The following SGCD variants were observed in gnomAD, a reference collection of about 807,000 sequenced individuals.
SGCD encodes the protein sarcoglycan delta, also known as delta-sarcoglycan.
SGCD carries 18 observed loss-of-function variants against 36.6 expected under a neutral mutation model. The ratio of observed to expected loss-of-function variants is 0.49; its 90% CI spans 0.34 to 0.73. SGCD has a LOEUF of 0.73. Among genes scored for constraint, SGCD ranks in the 30% least tolerant of loss-of-function variants. The pLI, the probability that SGCD is intolerant of heterozygous loss-of-function variation, is 0.01. For synonymous variants in SGCD, 133 were observed against 130.6 expected, an observed-to-expected ratio of 1.02 and a Z score of -0.12; for missense variants, 387 against 346.7, an observed-to-expected ratio of 1.12 and a Z score of -0.92.
chr5:156,297,914 C>T (rs1766942087), intron 3 of SGCD, among the ~76,000 whole-genome samples: 1 of 151,448 alleles, frequency 6.6e-6, no homozygotes, highest in African/African-American at 2.4e-5. Flanking sequence ...GTAGCTATCC[C>T]CCGCCCACCC....
chr5:156,080,411 C>T (rs1290787050), intron 1 of SGCD, among the ~76,000 whole-genome samples: 1 of 152,214 alleles, frequency 6.6e-6, no homozygotes, highest in Admixed American at 6.5e-5. Context: ...AGTCACCCTG[C>T]TTTAATTTAT....
intron 3 of SGCD, among the ~76,000 whole-genome samples, chr5:156,381,144 C>G (rs1770952813): frequency 6.6e-6 from 1 of 152,188 alleles, no homozygotes; most frequent in South Asian, 2.1e-4. Flanking sequence ...CCAAGGTAAT[C>G]AGGCTTGTGA....
intron 1 of SGCD, among the ~76,000 whole-genome samples, chr5:155,925,191 A>G (rs1756972846): frequency 6.6e-6 from 1 of 152,238 alleles, no homozygotes; most frequent in African/African-American, 2.4e-5. Context: ...AAAGTAAAGT[A>G]CAAACTACTT....
chr5:156,171,342 G>T (rs1763342869), intron 3 of SGCD, among the ~76,000 whole-genome samples: 1 of 152,108 alleles, frequency 6.6e-6, no homozygotes, highest in Non-Finnish European at 1.5e-5. Flanking sequence ...GTCCTACTTG[G>T]ATATAAATTT....
intron 6 of SGCD, among the ~76,000 whole-genome samples, chr5:156,595,325 C>T (rs1029296234): frequency 2.0e-5 from 3 of 152,230 alleles, no homozygotes; most frequent in South Asian, 2.1e-4. Context: ...CAGTCTGCAA[C>T]CTGGAATAGG....
chr5:156,614,156 G>A (rs1455936373), intron 6 of SGCD, among the ~76,000 whole-genome samples: 1 of 152,096 alleles, frequency 6.6e-6, no homozygotes, highest in Non-Finnish European at 1.5e-5. Flanking sequence ...CGTTGGCTAG[G>A]CTGGTCTGGA....
intron 1 of SGCD, among the ~76,000 whole-genome samples, chr5:155,879,463 TTG>T (rs1363265107): frequency 6.6e-6 from 1 of 152,092 alleles, no homozygotes; most frequent in African/African-American, 2.4e-5. Flanking sequence ...CTGGATAGCG[TTG>T]TCTCCTCCAA....
intron 1 of SGCD, among the ~76,000 whole-genome samples, chr5:156,113,578 A>G (rs544826222): frequency 6.6e-6 from 1 of 152,314 alleles, no homozygotes; most frequent in Admixed American, 6.5e-5. Context: ...CCCTCTTTAC[A>G]GCTGCTGTAG....
intron 2 of SGCD, among the ~76,000 whole-genome samples, chr5:156,121,513 T>A (rs894696891): frequency 5.3e-5 from 8 of 152,216 alleles, no homozygotes; most frequent in African/African-American, 1.4e-4. Context: ...ACTTTTAGAC[T>A]ACTGAGGATA....
intron 1 of SGCD, among the ~76,000 whole-genome samples, chr5:155,889,457 G>C (rs1365338988): frequency 6.6e-6 from 1 of 152,038 alleles, no homozygotes; most frequent in Middle Eastern, 3.2e-3. Flanking sequence ...TTTGAGTTTT[G>C]CTGCATAGAA....
chr5:156,395,826 G>C (rs191113589), intron 3 of SGCD, among the ~76,000 whole-genome samples: 1 of 152,094 alleles, frequency 6.6e-6, no homozygotes. Context: ...AGCTTCCTTC[G>C]TTGCAAAATG....
intron 4 of SGCD, among the ~76,000 whole-genome samples, chr5:156,565,791 G>T (rs1415755545): frequency 6.6e-6 from 1 of 151,914 alleles, no homozygotes; most frequent in Non-Finnish European, 1.5e-5. Context: ...GTGAGAACAT[G>T]CAGTGTTTGG....
At chr5:156,610,216 G>T (rs1202559954) in intron 6 of SGCD, among the ~76,000 whole-genome samples, 1 of 152,024 alleles carries the variant, frequency 6.6e-6, no homozygotes, top group African/African-American at 2.4e-5. Flanking sequence ...TACAGATGGG[G>T]TTTTGGTGTG....
chr5:156,088,693 T>G (rs1761163661), intron 1 of SGCD, among the ~76,000 whole-genome samples: 1 of 152,100 alleles, frequency 6.6e-6, no homozygotes, highest in African/African-American at 2.4e-5. Flanking sequence ...TTATTATCAT[T>G]ATTATTTATA....
intron 3 of SGCD, among the ~76,000 whole-genome samples, chr5:156,233,717 CG>C (rs1207103187): frequency 1.3e-5 from 2 of 152,152 alleles, no homozygotes; most frequent in East Asian, 3.9e-4. Flanking sequence ...TAAATGCTCA[CG>C]TTTTTAAAAA....
At chr5:156,539,691 T>C (rs1293184552) in intron 4 of SGCD, among the ~76,000 whole-genome samples, 2 of 152,156 alleles carry the variant, frequency 1.3e-5, no homozygotes, top group African/African-American at 4.8e-5. Flanking sequence ...CCATATTTTT[T>C]CCAATTGTGA....
intron 3 of SGCD, among the ~76,000 whole-genome samples, chr5:156,222,902 A>G (rs1035533551): frequency 6.6e-6 from 1 of 152,112 alleles, no homozygotes; most frequent in African/African-American, 2.4e-5. Context: ...CCTTCCTGTC[A>G]AAAATGTTTT....
At chr5:155,808,148 G>A in the SGCD span, among the ~76,000 whole-genome samples, 3 of 152,282 alleles carry the variant, frequency 2.0e-5, no homozygotes, top group Admixed American at 6.5e-5. Flanking sequence ...GTCAGGCCAC[G>A]TACCTTGTGG....
intron 3 of SGCD, among the ~76,000 whole-genome samples, chr5:156,296,323 G>T (rs1025859688): frequency 6.6e-6 from 1 of 152,138 alleles, no homozygotes; most frequent in African/African-American, 2.4e-5. Flanking sequence ...GGTGTCAAAG[G>T]TGACCAATTC....
Sources: gnomAD v4.1 joint callset for allele counts (sites outside exome capture counted in the v4.1 genomes callset) on GRCh38, gnomAD v4.1.1 for gene constraint, MANE v1.5 for transcripts, NCBI Gene and HGNC (gene_info 2026-07-23, HGNC 2026-07-21) for gene names.